TMEM132D: variants seen among roughly 807,000 people sequenced by gnomAD.
The protein encoded by TMEM132D is mature OL transmembrane protein.
A neutral mutation model predicts 62.3 loss-of-function variants in TMEM132D; 21 were observed. The observed-to-expected ratio is 0.34, with a 90% CI of 0.24 to 0.49. The LOEUF (loss-of-function observed/expected upper bound fraction) is 0.49, where lower values mean the gene tolerates loss of function less well. Ranked by LOEUF, TMEM132D falls within the 20% of genes least tolerant of loss-of-function variation. The pLI is 0.99. For synonymous variants in TMEM132D, 621 were observed against 575.6 expected, an observed-to-expected ratio of 1.08 and a Z score of -1.13; for missense variants, 1,346 against 1,402.8, an observed-to-expected ratio of 0.96 and a Z score of 0.65.
rs1199048873 is a variant in TMEM132D, at chr12:129,705,053, C to T, written c.80-4355G>A. Among the ~76,000 whole-genome samples, 5 of 152,168 alleles carry T rather than the reference C, an allele frequency of 3.3e-5. 1 individual carries two copies. In the South Asian group the frequency reaches 1.0e-3, roughly 32 times the overall value. On this transcript the variant is annotated intron_variant, in intron 1 of 8. Coordinates refer to ENST00000422113, the MANE Select transcript of TMEM132D (RefSeq NM_133448.3). ...GAAAAATGCAGAAAATTGAATTTAT[C>T]ATATGAGAATGGGAGCTTTTGAAGC...
chr12:129,096,554 C>G (rs943400407), intron 5 of TMEM132D, among the ~76,000 whole-genome samples: 1 of 152,178 alleles, frequency 6.6e-6, no homozygotes. Context: ...CTGGGGCTAT[C>G]TGAAAAAGAG....
chr12:129,232,795 C>T lies in TMEM132D; in HGVS notation c.1300-23132G>A, dbSNP rs776401579. ...TGGCAGAAGGTGAAAGGGAAGCAGG[C>T]GCGTCTTACATGATGGCAGGAGAGA... On this transcript the variant is annotated intron_variant, in intron 4 of 8. Transcript: ENST00000422113. Among the ~76,000 whole-genome samples the T allele has an allele frequency of 5.3e-5, 8 of 152,104 alleles. No individual in the cohort carries two copies. In the East Asian group the frequency reaches 9.7e-4, roughly 18 times the overall value.
At chr12:129,259,455 G>A (rs1008205020) in intron 4 of TMEM132D, among the ~76,000 whole-genome samples, 3 of 152,174 alleles carry the variant, frequency 2.0e-5, no homozygotes, top group African/African-American at 7.2e-5. Context: ...AATGATCAAG[G>A]TTGGAGCACA....
At chr12:129,436,263 G>A (rs924806099) in intron 3 of TMEM132D, among the ~76,000 whole-genome samples, 1 of 152,122 alleles carries the variant, frequency 6.6e-6, no homozygotes, top group African/African-American at 2.4e-5. Flanking sequence ...TTTCCTACGA[G>A]AGAATAGTAT....
At chr12:129,428,618 T>C (rs1872564186) in intron 3 of TMEM132D, among the ~76,000 whole-genome samples, 2 of 152,230 alleles carry the variant, frequency 1.3e-5, no homozygotes, top group South Asian at 4.1e-4. Flanking sequence ...CTGAGAAATA[T>C]ATTAGCAAGC....
rs368294026 is a variant in TMEM132D at position 129,503,919 on chromosome 12, C to A, written c.1115+27140G>T. On this transcript the variant is annotated intron_variant, in intron 3 of 8. Coordinates refer to ENST00000422113, the MANE Select transcript of TMEM132D (RefSeq NM_133448.3). ...TCATCACCATAATCACTATTGCCAT[C>A]ATCATCATCATTACTGTCATCATCA... is the stretch of plus-strand genomic sequence containing the variant. Among the ~76,000 whole-genome samples, 37 of 152,124 alleles carry A rather than the reference C, an allele frequency of 2.4e-4. No homozygotes were observed. The South Asian group carries it at 7.3e-3, about 30-fold the overall frequency.
chr12:129,364,793 T>C (rs1247409314), intron 3 of TMEM132D, among the ~76,000 whole-genome samples: 1 of 152,170 alleles, frequency 6.6e-6, no homozygotes, highest in Admixed American at 6.5e-5. Context: ...TCTGCACTCA[T>C]GGAGACCACA....
chr12:129,576,760 G>A (rs1035102749), intron 2 of TMEM132D, among the ~76,000 whole-genome samples: 1 of 151,840 alleles, frequency 6.6e-6, no homozygotes, highest in Non-Finnish European at 1.5e-5. Context: ...AGCCTCACCA[G>A]TAACAAAAAC....
At chr12:129,761,569 C>T (rs1468891223) in intron 1 of TMEM132D, among the ~76,000 whole-genome samples, 1 of 152,218 alleles carries the variant, frequency 6.6e-6, no homozygotes, top group Non-Finnish European at 1.5e-5. Context: ...TCGCAGACAA[C>T]GCTTCCCACT....
At chr12:129,569,426 G>A (rs1360202618) in intron 2 of TMEM132D, among the ~76,000 whole-genome samples, 1 of 152,100 alleles carries the variant, frequency 6.6e-6, no homozygotes, top group Non-Finnish European at 1.5e-5. Flanking sequence ...TAGCAAGTAT[G>A]TAAGTGCCAC....
chr12:129,539,553 C>T lies in TMEM132D; in HGVS notation c.969-8348G>A, dbSNP rs1352826291. On this transcript the variant is annotated intron_variant, in intron 2 of 8. Coordinates refer to ENST00000422113, the MANE Select transcript of TMEM132D (RefSeq NM_133448.3). The stretch of plus-strand genomic sequence containing the variant: ...CCAAGTAGCTGGGACTACAGGAGCC[C>T]GCCACTGGCTAATTTTTTCTATTTT... Among the ~76,000 whole-genome samples the T allele has an allele frequency of 4.1e-5, 6 of 147,700 alleles. No homozygotes were observed. The South Asian group carries it at 6.7e-4, about 16-fold the overall frequency.
intron 2 of TMEM132D, among the ~76,000 whole-genome samples, chr12:129,539,691 C>T (rs777515780): frequency 7.9e-5 from 12 of 151,846 alleles, no homozygotes; most frequent in South Asian, 2.1e-4. Flanking sequence ...GGATTACAGG[C>T]GTGAGCTACC....
intron 2 of TMEM132D, among the ~76,000 whole-genome samples, chr12:129,545,050 G>A (rs1593060182): frequency 6.6e-6 from 1 of 152,320 alleles, no homozygotes; most frequent in South Asian, 2.1e-4. Context: ...GCTGGCCTCC[G>A]ACAATGATCA....
chr12:129,436,876 A>G (rs1872801097), intron 3 of TMEM132D, among the ~76,000 whole-genome samples: 1 of 152,210 alleles, frequency 6.6e-6, no homozygotes, highest in Non-Finnish European at 1.5e-5. Context: ...AAAAGCAAGA[A>G]TGAGATTTAA....
chr12:129,835,813 A>G (rs969642336), intron 1 of TMEM132D, among the ~76,000 whole-genome samples: 19 of 152,082 alleles, frequency 1.2e-4, no homozygotes, highest in Admixed American at 1.2e-3. Context: ...ACTCACTCTG[A>G]GCAGAAATGA....
At chr12:129,572,593 G>T (rs1877547501) in intron 2 of TMEM132D, among the ~76,000 whole-genome samples, 1 of 152,136 alleles carries the variant, frequency 6.6e-6, no homozygotes, top group South Asian at 2.1e-4. Context: ...GGATTACTAG[G>T]CATGCGGCAT....
chr12:129,485,709 A>G (rs1197209810), intron 3 of TMEM132D, among the ~76,000 whole-genome samples: 1 of 152,186 alleles, frequency 6.6e-6, no homozygotes, highest in Non-Finnish European at 1.5e-5. Context: ...TGTGGCAAGG[A>G]GGTGAGGCAG....
At chr12:129,345,601 GA>G in intron 3 of TMEM132D, among the ~76,000 whole-genome samples, 1 of 152,298 alleles carries the variant, frequency 6.6e-6, no homozygotes, top group African/African-American at 2.4e-5. Context: ...AAGTGGGAGG[GA>G]AAATGGGATG....
chr12:129,700,886 C>A (rs537966573), intron 1 of TMEM132D, among the ~76,000 whole-genome samples, 188 bp from the exon 2 acceptor site: 1 of 152,278 alleles, frequency 6.6e-6, no homozygotes, highest in Non-Finnish European at 1.5e-5. Context: ...ATAAATGCCA[C>A]CAACCTAAGT....
Sources: gnomAD v4.1 joint callset for allele counts (sites outside exome capture counted in the v4.1 genomes callset) on GRCh38, gnomAD v4.1.1 for gene constraint, MANE v1.5 for transcripts, NCBI Gene and HGNC (gene_info 2026-07-23, HGNC 2026-07-21) for gene names.